The following SF3B3 variants were observed in gnomAD, a reference collection of about 807,000 sequenced individuals.
SF3B3 encodes the protein splicing factor 3b subunit 3.
A neutral mutation model predicts 139.2 loss-of-function variants in SF3B3; 33 were observed. The ratio of observed to expected loss-of-function variants is 0.24; its 90% confidence interval spans 0.18 to 0.32. The LOEUF (loss-of-function observed/expected upper bound fraction) is 0.32. Ranked by LOEUF, SF3B3 falls within the 10% of genes least tolerant of loss-of-function variation. The pLI, the probability that SF3B3 is intolerant of heterozygous loss-of-function variation, is 1.00. For missense variants in SF3B3, 818 were observed against 1,509.4 expected (o/e 0.54, Z 7.59); for synonymous variants, 596 against 563.6 (o/e 1.06, Z -0.81).
chr16:70,539,236 A>T, intron 8 of SF3B3, 29 bp downstream of exon 8: 1 of 1,510,454 alleles, frequency 6.6e-7, no homozygotes, highest in Non-Finnish European at 9.2e-7. Context: ...ACCCTAGTTC[A>T]CCCTGGTTGG....
intron 18 of SF3B3, 65 bp from the exon 19 acceptor site, chr16:70,565,000 T>C (rs778250206): frequency 4.2e-5 from 63 of 1,484,988 alleles, no homozygotes; most frequent in Non-Finnish European, 5.4e-5. Flanking sequence ...TTGCTACCTA[T>C]CCTCTTCTCA....
intron 13 of SF3B3, among the ~76,000 whole-genome samples, chr16:70,555,477 CAAAAAAAAAA>C (rs33955800): frequency 1.5e-4 from 11 of 73,106 alleles, no homozygotes; most frequent in African/African-American, 6.0e-4. Flanking sequence ...GACTCCGTCT[CAAAAAAAAAA>C]AAAAAAAAAA....
At chr16:70,542,186 G>A (rs2050225150) in intron 9 of SF3B3, among the ~76,000 whole-genome samples, 2 of 151,320 alleles carry the variant, frequency 1.3e-5, no homozygotes, top group Non-Finnish European at 2.9e-5. Context: ...GCTTCTAGGT[G>A]TTTTCTCTGC....
intron 2 of SF3B3, 36 bp from the exon 3 acceptor site, chr16:70,528,837 C>A: frequency 6.6e-7 from 1 of 1,519,068 alleles, no homozygotes; most frequent in South Asian, 1.2e-5. Flanking sequence ...AGGCTGGGTT[C>A]TGGTTGTTTA....
At position 70,555,135 on chromosome 16, in the gene SF3B3, T is replaced by G; in HGVS notation, c.1639T>G (p.Cys547Gly). ...CCCTGGAAAGAAAACAATTGTGAAG[T>G]GTGCAGTGAACCAGCGACAAGTGGT... Reference protein sequence around the residue: ...KTPGKKTIVKCAVNQRQVVIA... With the variant: ...KTPGKKTIVKGAVNQRQVVIA... The change falls in exon 13 of 26, where the codon TGT becomes GGT. Residue 547 changes from cysteine to glycine, a missense_variant. Around this residue, in one of 14 missense-constraint regions of SF3B3, gnomAD observed 170 missense variants for 353.0 expected, o/e 0.48. Transcript: ENST00000302516. 1 of 1,614,074 alleles carries G rather than the reference T, an allele frequency of 6.2e-7. No individual in the cohort carries two copies.
At chr16:70,523,984 T>G in intron 1 of SF3B3, 56 bp downstream of exon 1, 1 of 420,742 alleles carries the variant, frequency 2.4e-6, no homozygotes, top group Admixed American at 4.1e-5. Context: ...ACCGGCCATA[T>G]GGAAGGGGGA....
At position 70,523,871 on chromosome 16, in the gene SF3B3, T is replaced by A; in HGVS notation, c.-128T>A. 2 of 495,054 alleles carry A rather than the reference T, an allele frequency of 4.0e-6. No homozygotes were observed. Among genetic ancestry groups the A allele is most frequent in the Non-Finnish European group, 7.1e-6 (2 of 282,192 alleles). The allele number at this position is 495,054 out of a possible 1,614,324, so 30.7% of individuals were successfully genotyped here. On this transcript the variant is annotated 5_prime_UTR_variant, in exon 1 of 26. An upstream open reading frame in the 5' UTR loses its in-frame stop. Coordinates refer to ENST00000302516, the MANE Select transcript of SF3B3 (RefSeq NM_012426.5). The stretch of plus-strand genomic sequence containing the variant: ...CAGTATGTTGGAGTTGGTGGTGGCT[T>A]AAGTTTTGAAGGGAGGTAGCATCCG...
At position 70,572,577 on chromosome 16, in the gene SF3B3, T is replaced by C. The variant is rs1015712682; in HGVS notation, c.*764T>C. ...TGGCTGATTCTTCCTCCTCTTCTAC[T>C]CTGAGGATGTTAGTATGGGGATTTT... On this transcript the variant is annotated 3_prime_UTR_variant, in exon 26 of 26. Transcript: ENST00000302516. 1 of 154,966 alleles carries C rather than the reference T, an allele frequency of 6.5e-6. No individual in the cohort carries two copies. The highest frequency in any genetic ancestry group is 6.4e-5 in the Admixed American group (1 of 15,504). 9.6% of individuals were successfully genotyped at this position (154,966 alleles called of 1,614,324 possible).
rs1470315422 is a variant in SF3B3 at position 70,572,033 on chromosome 16, T to C, written c.*220T>C. On this transcript the variant is annotated 3_prime_UTR_variant, in exon 26 of 26. Transcript: ENST00000302516. Reference sequence around the variant, plus strand: ...GCTACACTTCTCCCCACCTGGTACATGATACATGACCCCAGGTTCCAGTGT... The same window carrying C: ...GCTACACTTCTCCCCACCTGGTACACGATACATGACCCCAGGTTCCAGTGT... 1.5e-6 allele frequency: 1 copy of C among 675,010 alleles called. No homozygotes were observed. 41.8% of individuals were successfully genotyped at this position (675,010 alleles called of 1,614,324 possible). A position where few individuals can be genotyped will look rare whatever the true frequency, so the allele number is the denominator to read the frequency against.
At chr16:70,565,760 G>A (rs915432929) in intron 20 of SF3B3, 3 of 475,398 alleles carry the variant, frequency 6.3e-6, no homozygotes, top group Non-Finnish European at 1.1e-5. Context: ...CATTCAATTG[G>A]TCTCTTTCTT....
In SF3B3 at chr16:70,556,946, G is replaced by A. The variant is rs752852258; in HGVS notation, c.1927G>A (p.Val643Met). The A allele has an allele frequency of 4.3e-6, 7 of 1,614,028 alleles. No individual in the cohort carries two copies. Among genetic ancestry groups the A allele is most frequent in the Non-Finnish European group, 4.2e-6 (5 of 1,179,996 alleles). Residue 643 changes from valine (V) to methionine (M), a missense_variant, in exon 15 of 26, where the codon GTG (valine) becomes ATG (methionine). Around this residue, in one of 14 missense-constraint regions of SF3B3, gnomAD observed 170 missense variants for 353.0 expected, o/e 0.48. Transcript: ENST00000302516. ...LPAQPESLCI[V>M]EMGGTEKQDE... Reference sequence around the variant, plus strand: ...AGCCCAGCCTGAGTCCTTGTGTATCGTGGAAATGGGTGGGACTGAGAAGCA... The same window carrying A: ...AGCCCAGCCTGAGTCCTTGTGTATCATGGAAATGGGTGGGACTGAGAAGCA...
At chr16:70,539,239 C>T in intron 8 of SF3B3, 32 bp downstream of exon 8, 1 of 1,497,092 alleles carries the variant, frequency 6.7e-7, no homozygotes, top group Non-Finnish European at 9.3e-7. Flanking sequence ...CTAGTTCACC[C>T]TGGTTGGGAT....
At chr16:70,555,541 T>A (rs2151789226) in intron 13 of SF3B3, among the ~76,000 whole-genome samples, 1 of 151,262 alleles carries the variant, frequency 6.6e-6, no homozygotes, top group East Asian at 1.9e-4. Flanking sequence ...GTTTGGTCCC[T>A]TACAGAGATG....
At position 70,575,706 on chromosome 16, in the gene SF3B3, A is replaced by G. The variant is rs1240502420; in HGVS notation, c.*3893A>G. The G allele has an allele frequency of 6.6e-6, 1 of 152,260 alleles. No homozygotes were observed. The highest frequency in any genetic ancestry group is 1.5e-5 in the Non-Finnish European group (1 of 68,100). The allele number at this position is 152,260 out of a possible 1,614,324, so 9.4% of individuals were successfully genotyped here. On this transcript the variant is annotated 3_prime_UTR_variant, in exon 26 of 26. Transcript: ENST00000302516. ...AGGTGAGTCTGCCAGAGGGCCTGCC[A>G]CCAGTTTCAGAAGAGCCTGCAGCCT... is the stretch of plus-strand genomic sequence containing the variant.
intron 1 of SF3B3, 170 bp downstream of exon 1, chr16:70,524,098 T>A: frequency 2.6e-6 from 1 of 387,330 alleles, no homozygotes; most frequent in African/African-American, 2.1e-5. Context: ...TTCCTGCAGT[T>A]ATCTCTCGCT....
At chr16:70,538,165 T>C in intron 6 of SF3B3, 158 bp from the exon 7 acceptor site, 1 of 762,242 alleles carries the variant, frequency 1.3e-6, no homozygotes. Flanking sequence ...AATTTTGAGC[T>C]GTGGGGTTCC....
At chr16:70,554,010 T>G (rs2050356096) in intron 11 of SF3B3, 1 of 154,612 alleles carries the variant, frequency 6.5e-6, no homozygotes, top group African/African-American at 2.4e-5. Flanking sequence ...AGAGCTTGTG[T>G]TCATTTCTAC....
Position 70,576,973 on chromosome 16 carries a change from A to G in SF3B3, c.*5160A>G, listed in dbSNP as rs2050586800. 1 of 152,274 alleles carries G rather than the reference A, an allele frequency of 6.6e-6. No individual in the cohort carries two copies. Among genetic ancestry groups the G allele is most frequent in the African/African-American group, 2.4e-5 (1 of 41,504 alleles). 9.4% of individuals were successfully genotyped at this position (152,274 alleles called of 1,614,324 possible). On this transcript the variant is annotated 3_prime_UTR_variant, in exon 26 of 26. Transcript: ENST00000302516. Reference sequence around the variant, plus strand: ...GACAAAACCCCATCTCTCCAAAAATACAAAAATTAGCCAGGCATGGTGGTG... The same window carrying G: ...GACAAAACCCCATCTCTCCAAAAATGCAAAAATTAGCCAGGCATGGTGGTG...
At chr16:70,562,771 T>C (rs981897054) in intron 17 of SF3B3, among the ~76,000 whole-genome samples, 1 of 152,216 alleles carries the variant, frequency 6.6e-6, no homozygotes, top group Non-Finnish European at 1.5e-5. Context: ...AGGTGACTTA[T>C]GAGACATAAA....
Sources: allele counts gnomAD v4.1 joint callset (sites outside exome capture counted in the v4.1 genomes callset), GRCh38; gene constraint gnomAD v4.1.1; regional missense constraint gnomAD v4.1.1; transcripts MANE v1.5; gene names NCBI Gene and HGNC (gene_info 2026-07-23, HGNC 2026-07-21).